Variants in RBFOX1 observed in about 807,000 individuals in gnomAD.
RBFOX1 encodes the protein RNA binding protein fox-1 homolog 1.
RBFOX1 carries 8 observed loss-of-function variants against 57.7 expected under a neutral mutation model. That is an observed-to-expected ratio of 0.14 (90% CI 0.08 to 0.25). The LOEUF (loss-of-function observed/expected upper bound fraction) is 0.25, where lower values mean the gene tolerates loss of function less well. RBFOX1 is among the 10% of genes least tolerant of loss of function. The pLI is 1.00. For missense variants in RBFOX1, 611 were observed against 548.5 expected (o/e 1.11, Z -1.14); for synonymous variants, 326 against 222.4 (o/e 1.47, Z -4.15).
chr16:7,399,849 C>T (rs2098210961), intron 4 of RBFOX1, among the ~76,000 whole-genome samples: 1 of 152,184 alleles, frequency 6.6e-6, no homozygotes, highest in Non-Finnish European at 1.5e-5. Flanking sequence ...ATTCAATCTA[C>T]TGCCATTTTA....
chr16:5,457,162 A>G (rs532988325), intron 1 of RBFOX1, among the ~76,000 whole-genome samples: 2 of 152,158 alleles, frequency 1.3e-5, no homozygotes, highest in African/African-American at 4.8e-5. Context: ...TTTGAGACAG[A>G]GTCTTGTTCT....
chr16:6,520,141 C>A (rs765260664), intron 2 of RBFOX1, among the ~76,000 whole-genome samples: 17 of 152,144 alleles, frequency 1.1e-4, no homozygotes, highest in Admixed American at 5.9e-4. Flanking sequence ...TCATGGCCAT[C>A]CTTTGCAACT....
At chr16:7,157,718 G>A (rs1421516372) in intron 4 of RBFOX1, among the ~76,000 whole-genome samples, 1 of 152,108 alleles carries the variant, frequency 6.6e-6, no homozygotes, top group East Asian at 1.9e-4. Flanking sequence ...ACCTCATTTT[G>A]TGGTCACTGC....
intron 4 of RBFOX1, among the ~76,000 whole-genome samples, chr16:5,906,544 C>T (rs905553414): frequency 6.6e-6 from 1 of 151,938 alleles, no homozygotes; most frequent in East Asian, 1.9e-4. Context: ...GTTTAAGCTC[C>T]CTGTCTGCAG....
At chr16:6,116,854 G>T (rs1011167010) in intron 1 of RBFOX1, among the ~76,000 whole-genome samples, 32 of 151,934 alleles carry the variant, frequency 2.1e-4, no homozygotes, top group African/African-American at 6.8e-4. Context: ...GGGAGAGAGA[G>T]GCTGGTGGCT....
At chr16:7,464,068 C>T (rs931742949) in intron 4 of RBFOX1, among the ~76,000 whole-genome samples, 2 of 152,170 alleles carry the variant, frequency 1.3e-5, no homozygotes, top group African/African-American at 4.8e-5. Flanking sequence ...CCATGTCTTC[C>T]TTGTATCTAT....
chr16:5,281,537 A>G (rs2063271713), intron 1 of RBFOX1, among the ~76,000 whole-genome samples: 1 of 152,180 alleles, frequency 6.6e-6, no homozygotes, highest in African/African-American at 2.4e-5. Flanking sequence ...GAAGTGCTCA[A>G]CTATCATTAT....
At chr16:6,669,603 T>A (rs765041671) in intron 3 of RBFOX1, among the ~76,000 whole-genome samples, 50 of 152,194 alleles carry the variant, frequency 3.3e-4, no homozygotes, top group Non-Finnish European at 1.5e-4. Context: ...AATTAACACA[T>A]CTATCACCTC....
intron 1 of RBFOX1, among the ~76,000 whole-genome samples, chr16:5,341,586 G>T (rs902037407): frequency 7.2e-5 from 11 of 152,168 alleles, no homozygotes; most frequent in Non-Finnish European, 1.3e-4. Flanking sequence ...GACACACAAC[G>T]TGAGCAGTGA....
At chr16:6,471,258 C>A (rs936925180) in intron 2 of RBFOX1, among the ~76,000 whole-genome samples, 2 of 152,194 alleles carry the variant, frequency 1.3e-5, no homozygotes, top group African/African-American at 2.4e-5. Flanking sequence ...GGAGATCCAA[C>A]TCAAGCATCA....
chr16:5,581,695 C>G (rs778047685), intron 2 of RBFOX1, among the ~76,000 whole-genome samples: 1 of 152,116 alleles, frequency 6.6e-6, no homozygotes, highest in Non-Finnish European at 1.5e-5. Context: ...ACTCTCCAAG[C>G]CAGGGTGACA....
chr16:6,900,845 T>C (rs1040818033), intron 3 of RBFOX1, among the ~76,000 whole-genome samples: 1 of 152,222 alleles, frequency 6.6e-6, no homozygotes, highest in African/African-American at 2.4e-5. Context: ...TGAGTGTTTG[T>C]CTTTGTGTGA....
chr16:5,321,367 T>C (rs1186709906), intron 1 of RBFOX1, among the ~76,000 whole-genome samples: 1 of 151,814 alleles, frequency 6.6e-6, no homozygotes, highest in Non-Finnish European at 1.5e-5. Context: ...TCACCCAGGC[T>C]GGAGTGCAGT....
At position 5,726,083 on chromosome 16, in the gene RBFOX1, A is replaced by AT. The variant is rs199696151; in HGVS notation, c.318+127130dup. On this transcript the variant is annotated intron_variant, in intron 3 of 19. Coordinates refer to the RBFOX1 transcript ENST00000641259. ...TTTTCTTTTCTCCACTTTTATTATT[A>AT]TTTTTTTTAATAAAGCTTTTTCTTT... Among the ~76,000 whole-genome samples, 191 of 145,440 alleles carry AT rather than the reference A, an allele frequency of 1.3e-3. No individual in the cohort carries two copies. The East Asian group carries it at 0.034, about 26-fold the overall frequency.
chr16:6,814,433 T>A (rs1279337652), intron 3 of RBFOX1, among the ~76,000 whole-genome samples: 1 of 152,174 alleles, frequency 6.6e-6, no homozygotes, highest in African/African-American at 2.4e-5. Context: ...TGACATTGGG[T>A]GGTAGAAGCA....
At chr16:7,186,935 A>G (rs141320208) in intron 4 of RBFOX1, among the ~76,000 whole-genome samples, 1 of 148,054 alleles carries the variant, frequency 6.8e-6, no homozygotes, top group Non-Finnish European at 1.5e-5. Context: ...AGGCAGGCAA[A>G]TTGCTTGAGA....
intron 14 of RBFOX1, chr16:7,693,236 C>G: frequency 8.2e-7 from 1 of 1,214,786 alleles, no homozygotes; most frequent in Non-Finnish European, 1.2e-6. Flanking sequence ...CTCCCCTCAT[C>G]TGTACACATC....
intron 4 of RBFOX1, among the ~76,000 whole-genome samples, chr16:7,139,366 G>A (rs1000927732): frequency 4.2e-4 from 64 of 152,178 alleles, no homozygotes; most frequent in Non-Finnish European, 7.1e-4. Context: ...TTGTCTTTCT[G>A]CCATGCTTGG....
intron 4 of RBFOX1, among the ~76,000 whole-genome samples, chr16:7,452,354 C>T (rs1417642798): frequency 1.3e-5 from 2 of 152,154 alleles, no homozygotes; most frequent in Non-Finnish European, 1.5e-5. Context: ...GTGCATTGTG[C>T]TAAGAGCTTA....
Sources: gnomAD v4.1 joint callset for allele counts (sites outside exome capture counted in the v4.1 genomes callset) on GRCh38, gnomAD v4.1.1 for gene constraint, MANE v1.5 for transcripts, NCBI Gene and HGNC (gene_info 2026-07-23, HGNC 2026-07-21) for gene names.